Variants in ADGRL2 observed in about 807,000 individuals in gnomAD.
The protein encoded by ADGRL2 is adhesion G protein-coupled receptor L2.
ADGRL2 carries 44 observed loss-of-function variants against 157.4 expected under a neutral mutation model. That is an observed-to-expected ratio of 0.28 (90% confidence interval 0.22 to 0.36). ADGRL2 has a LOEUF of 0.36. Ranked by LOEUF, ADGRL2 falls within the 10% of genes least tolerant of loss-of-function variation. ADGRL2 has a pLI of 1.00. For missense variants in ADGRL2, 1,510 were observed against 1,768.9 expected (o/e 0.85, Z 2.63); for synonymous variants, 585 against 624.7 (o/e 0.94, Z 0.95).
At chr1:81,350,165 C>CA (rs1662779983) in intron 1 of ADGRL2, among the ~76,000 whole-genome samples, 1 of 152,010 alleles carries the variant, frequency 6.6e-6, no homozygotes, top group South Asian at 2.1e-4. Flanking sequence ...GGGAATAAAA[C>CA]AAAAAATACA....
intron 1 of ADGRL2, among the ~76,000 whole-genome samples, chr1:81,812,224 T>A (rs1479962713): frequency 6.6e-6 from 1 of 151,842 alleles, no homozygotes; most frequent in African/African-American, 2.4e-5. Flanking sequence ...CAGAGGGAGC[T>A]TTTATATGCG....
intron 1 of ADGRL2, among the ~76,000 whole-genome samples, chr1:81,819,080 T>A (rs776858289): frequency 2.6e-5 from 4 of 152,290 alleles, no homozygotes; most frequent in East Asian, 1.9e-4. Context: ...ATATTTTCAA[T>A]TGAGAACATG....
chr1:81,560,043 A>G (rs1421385525), intron 2 of ADGRL2, among the ~76,000 whole-genome samples: 2 of 152,234 alleles, frequency 1.3e-5, no homozygotes, highest in Admixed American at 6.6e-5. Flanking sequence ...GGCCTCAAAG[A>G]AGAGATACCT....
At chr1:81,419,996 T>C (rs2077097648) in intron 1 of ADGRL2, among the ~76,000 whole-genome samples, 1 of 152,230 alleles carries the variant, frequency 6.6e-6, no homozygotes, top group Admixed American at 6.5e-5. Context: ...AGCAAGCTTG[T>C]AATTGTAATG....
intron 3 of ADGRL2, among the ~76,000 whole-genome samples, chr1:81,617,270 C>T (rs1013331804): frequency 3.3e-5 from 5 of 150,860 alleles, no homozygotes; most frequent in African/African-American, 1.2e-4. Flanking sequence ...AGGTTGCACT[C>T]GTTATGAGAA....
intron 23 of ADGRL2, chr1:81,988,500 C>T (rs770966994): frequency 1.3e-4 from 19 of 151,572 alleles, no homozygotes; most frequent in Admixed American, 2.6e-4. Context: ...GATTATAGCA[C>T]ATAACATGAA....
At position 81,676,776 on chromosome 1, in the gene ADGRL2, T is replaced by C. The variant is rs185613153; in HGVS notation, c.-142-85035T>C. On this transcript the variant is annotated intron_variant, in intron 3 of 24. Coordinates refer to the ADGRL2 transcript ENST00000370721. ...TTCTCAGCTCACTGCAAACTCCACCTCCCAGGTTCACGTCATTCTCCTGCC... is the reference window on the plus strand; with the variant it reads ...TTCTCAGCTCACTGCAAACTCCACCCCCCAGGTTCACGTCATTCTCCTGCC... 3.9e-4 allele frequency among the ~76,000 whole-genome samples: 59 copies of C among 151,372 alleles called. No individual in the cohort carries two copies. The East Asian group carries it at 0.011, about 28-fold the overall frequency.
At chr1:81,432,909 A>G (rs1188563708) in intron 1 of ADGRL2, among the ~76,000 whole-genome samples, 2 of 152,172 alleles carry the variant, frequency 1.3e-5, no homozygotes, top group Non-Finnish European at 2.9e-5. Flanking sequence ...CAGAGTTTCA[A>G]TGTGGAAAGA....
At chr1:81,429,208 T>C (rs577961445) in intron 1 of ADGRL2, among the ~76,000 whole-genome samples, 21 of 152,192 alleles carry the variant, frequency 1.4e-4, no homozygotes, top group Non-Finnish European at 2.8e-4. Flanking sequence ...CTTCCTAGTT[T>C]TCCCACTTCC....
chr1:81,357,947 G>A (rs985655052), intron 1 of ADGRL2, among the ~76,000 whole-genome samples: 1 of 152,188 alleles, frequency 6.6e-6, no homozygotes, highest in Non-Finnish European at 1.5e-5. Context: ...AAGTGAAAGT[G>A]CTTGATAAAC....
intron 2 of ADGRL2, among the ~76,000 whole-genome samples, chr1:81,872,570 G>C (rs776642063): frequency 1.9e-4 from 29 of 152,100 alleles, no homozygotes; most frequent in Non-Finnish European, 3.7e-4. Flanking sequence ...CTGATAACCA[G>C]AGAGAGATTA....
intron 1 of ADGRL2, among the ~76,000 whole-genome samples, chr1:81,389,063 C>T (rs1433033626): frequency 4.6e-5 from 7 of 152,178 alleles, no homozygotes; most frequent in Non-Finnish European, 1.0e-4. Context: ...ACTTGCTTCT[C>T]TGGATCCCCA....
intron 1 of ADGRL2, among the ~76,000 whole-genome samples, chr1:81,712,520 T>TA (rs1157988516): frequency 6.6e-6 from 1 of 152,130 alleles, no homozygotes; most frequent in Non-Finnish European, 1.5e-5. Flanking sequence ...AATATCCCCA[T>TA]ATTTAAGACC....
intron 1 of ADGRL2, among the ~76,000 whole-genome samples, chr1:81,712,054 T>C (rs2149082240): frequency 6.6e-6 from 1 of 152,266 alleles, no homozygotes; most frequent in Admixed American, 6.5e-5. Flanking sequence ...AATCGAATCC[T>C]GTGCCTGGGA....
intron 2 of ADGRL2, among the ~76,000 whole-genome samples, chr1:81,784,100 A>C (rs2086928778): frequency 6.6e-6 from 1 of 152,198 alleles, no homozygotes; most frequent in Admixed American, 6.5e-5. Flanking sequence ...CTAAGCTTTT[A>C]AGTTATGTTG....
chr1:81,408,924 A>G (rs2076903310), intron 1 of ADGRL2, among the ~76,000 whole-genome samples: 1 of 152,202 alleles, frequency 6.6e-6, no homozygotes, highest in African/African-American at 2.4e-5. Flanking sequence ...ATTTCTTTGG[A>G]TCAAATAGGA....
intron 1 of ADGRL2, among the ~76,000 whole-genome samples, chr1:81,428,872 G>C (rs1355487234): frequency 6.6e-6 from 1 of 152,104 alleles, no homozygotes; most frequent in Non-Finnish European, 1.5e-5. Context: ...GAGAGAGAGG[G>C]ACAGTGGGAG....
chr1:81,948,028 C>G (rs1480460886), intron 6 of ADGRL2, among the ~76,000 whole-genome samples: 1 of 151,864 alleles, frequency 6.6e-6, no homozygotes, highest in African/African-American at 2.4e-5. Flanking sequence ...ACCATCCTGG[C>G]CAATATGGTG....
At chr1:81,368,259 T>C (rs2076100927) in intron 1 of ADGRL2, among the ~76,000 whole-genome samples, 1 of 152,212 alleles carries the variant, frequency 6.6e-6, no homozygotes, top group Admixed American at 6.5e-5. Context: ...TGGTTTTGAT[T>C]TGCATTTCTC....
Sources: allele counts gnomAD v4.1 joint callset (sites outside exome capture counted in the v4.1 genomes callset), GRCh38; gene constraint gnomAD v4.1.1; transcripts MANE v1.5; gene names NCBI Gene and HGNC (gene_info 2026-07-23, HGNC 2026-07-21).